Variants in GNG7 observed in about 807,000 individuals in gnomAD.
GNG7 encodes guanine nucleotide-binding protein G(I)/G(S)/G(O) subunit gamma-7.
GNG7 carries 1 observed loss-of-function variant against 4.0 expected under a neutral mutation model. That is an observed-to-expected ratio of 0.25 (90% CI 0.09 to 1.18). The LOEUF (loss-of-function observed/expected upper bound fraction) is 1.18. Ranked by LOEUF, GNG7 falls within the 50% of genes most tolerant of loss-of-function variation. The probability of loss-of-function intolerance (pLI) is 0.50; values close to 1 mark genes in which losing one functional copy is unlikely to be tolerated. For synonymous variants in GNG7, 34 were observed against 36.9 expected, an observed-to-expected ratio of 0.92 and a Z score of 0.29; for missense variants, 86 against 91.9, an observed-to-expected ratio of 0.94 and a Z score of 0.26.
chr19:2,654,195 C>T (rs1202161809), intron 1 of GNG7, among the ~76,000 whole-genome samples: 3 of 152,210 alleles, frequency 2.0e-5, no homozygotes, highest in Admixed American at 6.5e-5. Context: ...GAAAGACGAG[C>T]TTCTGCAGAT....
At chr19:2,616,302 T>C (rs1259505137) in intron 2 of GNG7, among the ~76,000 whole-genome samples, 1 of 152,062 alleles carries the variant, frequency 6.6e-6, no homozygotes, top group Non-Finnish European at 1.5e-5. Context: ...TGGAGTGCAA[T>C]GGCACGATCT....
At chr19:2,660,222 T>C (rs180701270) in intron 1 of GNG7, among the ~76,000 whole-genome samples, 47 of 152,298 alleles carry the variant, frequency 3.1e-4, no homozygotes, top group Non-Finnish European at 5.6e-4. Flanking sequence ...TTCTGCAAGA[T>C]GGCATCAAGT....
chr19:2,655,717 T>C (rs1982949113), intron 1 of GNG7, among the ~76,000 whole-genome samples: 1 of 151,296 alleles, frequency 6.6e-6, no homozygotes, highest in Admixed American at 6.6e-5. Flanking sequence ...CGGGCGCCTG[T>C]AGTCCCAGCT....
chr19:2,643,736 C>T (rs1182089554), intron 2 of GNG7: 2 of 426,966 alleles, frequency 4.7e-6, no homozygotes, highest in East Asian at 1.4e-4. Context: ...CTGCGATGCA[C>T]ACTGGGCACG....
chr19:2,514,874 G>A lies in GNG7; in HGVS notation c.*148C>T, dbSNP rs1972708890. 2 of 659,516 alleles carry A rather than the reference G, an allele frequency of 3.0e-6. No individual in the cohort carries two copies. Among genetic ancestry groups the A allele is most frequent in the Non-Finnish European group, 5.1e-6 (2 of 393,016 alleles). The allele number at this position is 659,516 out of a possible 1,614,324, so 40.9% of individuals were successfully genotyped here. On this transcript the variant is annotated 3_prime_UTR_variant, in exon 5 of 5. Transcript: ENST00000382159. Reference sequence around the variant, plus strand: ...GAACGCCTTTTTTGGCGGGGAGAGGGGGGATTTCTTTTGGAATTAAAGGTT... The same window carrying A: ...GAACGCCTTTTTTGGCGGGGAGAGGAGGGATTTCTTTTGGAATTAAAGGTT...
intron 1 of GNG7, among the ~76,000 whole-genome samples, chr19:2,671,731 G>A (rs182663217): frequency 2.1e-3 from 314 of 152,204 alleles, no homozygotes; most frequent in Non-Finnish European, 3.7e-3. Context: ...CTGAGAAGCT[G>A]GGAGATGTTC....
chr19:2,693,703 G>T (rs1046563898), intron 1 of GNG7, among the ~76,000 whole-genome samples: 21 of 152,140 alleles, frequency 1.4e-4, no homozygotes, highest in Non-Finnish European at 1.5e-5. Context: ...AGCCCCGGTT[G>T]TGACAGCCAC....
At chr19:2,524,745 C>T (rs1253646934) in intron 3 of GNG7, among the ~76,000 whole-genome samples, 3 of 152,270 alleles carry the variant, frequency 2.0e-5, no homozygotes, top group Admixed American at 1.3e-4. Context: ...TGTATGTGCA[C>T]GTGTGTGGAC....
intron 3 of GNG7, among the ~76,000 whole-genome samples, chr19:2,553,621 AT>A (rs1979421447): frequency 7.1e-6 from 1 of 141,762 alleles, no homozygotes; most frequent in Non-Finnish European, 1.5e-5. Flanking sequence ...TACTACATAC[AT>A]GCACACGTTA....
At chr19:2,531,548 G>A (rs930515371) in intron 3 of GNG7, among the ~76,000 whole-genome samples, 2 of 151,990 alleles carry the variant, frequency 1.3e-5, no homozygotes, top group African/African-American at 2.4e-5. Flanking sequence ...GGGCGCGGTG[G>A]CTCACGAGGT....
chr19:2,599,108 G>C (rs1345291370), intron 2 of GNG7, among the ~76,000 whole-genome samples: 1 of 152,172 alleles, frequency 6.6e-6, no homozygotes, highest in African/African-American at 2.4e-5. Flanking sequence ...ATTTGCTTGT[G>C]GGAGGGACGC....
chr19:2,674,382 C>T (rs531517571), intron 1 of GNG7, among the ~76,000 whole-genome samples: 1 of 152,292 alleles, frequency 6.6e-6, no homozygotes, highest in South Asian at 2.1e-4. Context: ...AATCGTCACA[C>T]TGCTGGGAAA....
Position 2,644,631 on chromosome 19 carries a change from T to C in GNG7, c.-78+1593A>G, listed in dbSNP as rs149005289. ...GAAACCCATCAACCATCACTTCCCA[T>C]GCCCCTCCCAGTCTCGGCACCCACG... On this transcript the variant is annotated intron_variant, in intron 2 of 4. Coordinates refer to ENST00000382159, the MANE Select transcript of GNG7 (RefSeq NM_052847.3). Among the ~76,000 whole-genome samples the C allele has an allele frequency of 3.4e-3, 519 of 152,136 alleles. 5 individuals carry two copies. Among genetic ancestry groups the C allele is most frequent in the African/African-American group, 0.012 (504 of 41,536 alleles).
chr19:2,674,005 T>A (rs1983532313), intron 1 of GNG7, among the ~76,000 whole-genome samples: 1 of 152,216 alleles, frequency 6.6e-6, no homozygotes, highest in South Asian at 2.1e-4. Context: ...GGCTCACGCC[T>A]GTAATCCCAG....
chr19:2,684,293 C>T (rs934166845), intron 1 of GNG7, among the ~76,000 whole-genome samples: 8 of 151,828 alleles, frequency 5.3e-5, no homozygotes, highest in African/African-American at 9.7e-5. Context: ...TCCGCCACCA[C>T]GCCCGGATAA....
chr19:2,658,907 A>C (rs1231022359), intron 1 of GNG7, among the ~76,000 whole-genome samples: 1 of 152,002 alleles, frequency 6.6e-6, no homozygotes, highest in Non-Finnish European at 1.5e-5. Context: ...CTCTAAAAAT[A>C]GTCTATTAAA....
intron 2 of GNG7, among the ~76,000 whole-genome samples, chr19:2,606,411 T>C (rs962195115): frequency 1.3e-5 from 2 of 150,338 alleles, no homozygotes; most frequent in Non-Finnish European, 3.0e-5. Flanking sequence ...TCCCAGCACT[T>C]TGGGAAACTG....
chr19:2,517,735 C>T (rs868290018), intron 4 of GNG7, among the ~76,000 whole-genome samples: 1 of 152,214 alleles, frequency 6.6e-6, no homozygotes, highest in Non-Finnish European at 1.5e-5. Context: ...TGGTCTCGAA[C>T]TCCTAGGCTC....
intron 3 of GNG7, among the ~76,000 whole-genome samples, chr19:2,532,166 A>T (rs905437368): frequency 1.3e-5 from 2 of 152,008 alleles, no homozygotes; most frequent in Admixed American, 6.5e-5. Context: ...AAAAAACAAA[A>T]AAAAAAACAA....
Sources: gnomAD v4.1 joint callset for allele counts (sites outside exome capture counted in the v4.1 genomes callset) on GRCh38, gnomAD v4.1.1 for gene constraint, MANE v1.5 for transcripts, NCBI Gene and HGNC (gene_info 2026-07-23, HGNC 2026-07-21) for gene names.